LMCD1: variants seen among roughly 807,000 people sequenced by gnomAD.
The protein encoded by LMCD1 is LIM and cysteine-rich domains protein 1.
In LMCD1, 32 loss-of-function variants were observed where a neutral mutation model predicts 42.7. That is an observed-to-expected ratio of 0.75 (90% CI 0.57 to 1.01). The LOEUF (loss-of-function observed/expected upper bound fraction) is 1.01, where lower values mean the gene tolerates loss of function less well. Ranked by LOEUF, LMCD1 falls within the 50% of genes least tolerant of loss-of-function variation. LMCD1 has a pLI of 0.00. For synonymous variants in LMCD1, 178 were observed against 184.9 expected (o/e 0.96, Z 0.30); for missense variants, 458 against 483.1 (o/e 0.95, Z 0.49).
chr3:8,504,814 A>T (rs761425340), intron 1 of LMCD1, among the ~76,000 whole-genome samples: 1 of 152,236 alleles, frequency 6.6e-6, no homozygotes, highest in Non-Finnish European at 1.5e-5. Flanking sequence ...AGGGCCTTGA[A>T]GGCCAAATGC....
chr3:8,557,489 C>T (rs994112092), intron 4 of LMCD1, among the ~76,000 whole-genome samples: 4 of 152,160 alleles, frequency 2.6e-5, no homozygotes, highest in African/African-American at 9.7e-5. Context: ...AGGAAAACAA[C>T]ACAATTCAGA....
At chr3:8,524,413 T>C (rs1033990840) in intron 1 of LMCD1, among the ~76,000 whole-genome samples, 8 of 151,954 alleles carry the variant, frequency 5.3e-5, no homozygotes, top group African/African-American at 1.7e-4. Context: ...GTCAGTGAAA[T>C]TTAGAGGAAG....
chr3:8,559,271 T>C (rs532437036), intron 4 of LMCD1, among the ~76,000 whole-genome samples: 4 of 152,296 alleles, frequency 2.6e-5, no homozygotes, highest in South Asian at 2.1e-4. Context: ...CTTCAACATA[T>C]CTTTGTCATT....
chr3:8,561,953 T>C (rs1254033982), intron 4 of LMCD1, among the ~76,000 whole-genome samples: 1 of 152,102 alleles, frequency 6.6e-6, no homozygotes, highest in Non-Finnish European at 1.5e-5. Flanking sequence ...TCCCATTCTT[T>C]AGAGGATGAG....
intron 1 of LMCD1, among the ~76,000 whole-genome samples, chr3:8,529,128 T>C (rs575612293): frequency 1.7e-4 from 26 of 152,234 alleles, no homozygotes; most frequent in Non-Finnish European, 3.2e-4. Flanking sequence ...CTACTGTTTA[T>C]AAACCAGAGT....
At chr3:8,549,155 A>G (rs1353685233) in intron 4 of LMCD1, among the ~76,000 whole-genome samples, 1 of 152,188 alleles carries the variant, frequency 6.6e-6, no homozygotes, top group African/African-American at 2.4e-5. Flanking sequence ...TAGAGAAGGG[A>G]CATCTAAGCC....
Position 8,552,028 on chromosome 3 carries a change from CG to C in LMCD1, c.723+3126del, listed in dbSNP as rs1559355700. ...CGAACAGAGATTAACGGGAGAAAAA[CG>C]AAGGGCAAAAAGAGACATGAACATA... On this transcript the variant is annotated intron_variant, in intron 4 of 5. Transcript: ENST00000157600. Among the ~76,000 whole-genome samples, 3 of 152,160 alleles carry C rather than the reference CG, an allele frequency of 2.0e-5. No individual in the cohort carries two copies. In the South Asian group the frequency reaches 6.2e-4, roughly 32 times the overall value.
intron 4 of LMCD1, among the ~76,000 whole-genome samples, chr3:8,552,851 G>A (rs1232591806): frequency 6.6e-6 from 1 of 152,188 alleles, no homozygotes; most frequent in South Asian, 2.1e-4. Flanking sequence ...AGCCTTCCGA[G>A]TAGCTGGGAC....
intron 4 of LMCD1, among the ~76,000 whole-genome samples, chr3:8,561,359 GATA>G (rs889875076): frequency 3.4e-5 from 5 of 148,926 alleles, no homozygotes; most frequent in South Asian, 2.1e-4. Flanking sequence ...AAATTCAAAA[GATA>G]ATAATAATTG....
chr3:8,508,424 G>A (rs1693926585), intron 1 of LMCD1, among the ~76,000 whole-genome samples: 1 of 152,208 alleles, frequency 6.6e-6, no homozygotes, highest in Non-Finnish European at 1.5e-5. Flanking sequence ...GGACAAAGGA[G>A]TGCCAGTGTC....
intron 4 of LMCD1, among the ~76,000 whole-genome samples, chr3:8,553,402 T>C (rs528187674): frequency 6.6e-6 from 1 of 152,216 alleles, no homozygotes; most frequent in African/African-American, 2.4e-5. Context: ...AGAAGCGTTA[T>C]TGCAAAAATG....
At chr3:8,563,913 T>A (rs1052594560) in intron 4 of LMCD1, among the ~76,000 whole-genome samples, 1 of 152,128 alleles carries the variant, frequency 6.6e-6, no homozygotes. Context: ...ATCAGGCAAA[T>A]CCCAACTGAG....
In LMCD1 at chr3:8,567,437, C is replaced by T. The variant is rs372451565; in HGVS notation, c.940-3C>T. The T allele has an allele frequency of 1.2e-6, 2 of 1,613,470 alleles. No homozygotes were observed. ...CATGCATTTCTCCTGCTCCCCTCCC[C>T]AGATAATATTCGCTGAGGACTACCA... On this transcript the variant is annotated splice_region_variant and splice_polypyrimidine_tract_variant and intron_variant, in intron 5 of 5. Transcript: ENST00000157600.
Position 8,565,597 on chromosome 3 carries a change from G to T in LMCD1, c.889G>T (p.Gly297Cys), listed in dbSNP as rs561098521. The T allele has an allele frequency of 2.5e-6, 4 of 1,609,372 alleles. 1 individual carries two copies. Among genetic ancestry groups the T allele is most frequent in the South Asian group, 2.2e-5 (2 of 90,772 alleles). The change falls in exon 5 of 6, where the codon GGC (glycine) becomes TGC (cysteine). Residue 297 changes from glycine to cysteine, a missense_variant. Transcript: ENST00000157600. ...CTGGAAGGATGGTGCACCCTGGTGC[G>T]GCCGCCATTACTGCGAGAGTCTGCG... ...YFWKDGAPWC[G>C]RHYCESLRPR...
chr3:8,518,583 C>T (rs905969636), intron 1 of LMCD1, among the ~76,000 whole-genome samples: 16 of 152,182 alleles, frequency 1.1e-4, no homozygotes, highest in Non-Finnish European at 5.9e-5. Context: ...GATGTCAGGT[C>T]TGGGTGGCTG....
chr3:8,550,687 A>G (rs1475747234), intron 4 of LMCD1: 9 of 984,700 alleles, frequency 9.1e-6, no homozygotes, highest in Non-Finnish European at 1.1e-5. Context: ...GTAAAAAAGA[A>G]AAAAATATTA....
At chr3:8,547,327 C>T (rs563601551) in intron 3 of LMCD1, among the ~76,000 whole-genome samples, 1 of 152,272 alleles carries the variant, frequency 6.6e-6, no homozygotes, top group East Asian at 1.9e-4. Flanking sequence ...ATGGTACACA[C>T]GCACAGAAAA....
intron 1 of LMCD1, among the ~76,000 whole-genome samples, chr3:8,529,816 C>T (rs1027465943): frequency 2.6e-4 from 39 of 152,284 alleles, no homozygotes; most frequent in African/African-American, 8.7e-4. Flanking sequence ...TTCAGGGTCT[C>T]TCAAACTTTT....
chr3:8,550,908 C>T (rs1016896292), intron 4 of LMCD1: 8 of 985,214 alleles, frequency 8.1e-6, no homozygotes, highest in African/African-American at 1.7e-5. Flanking sequence ...GACTGAGCCT[C>T]GCATATTTGT....
Sources: gnomAD v4.1 joint callset for allele counts (sites outside exome capture counted in the v4.1 genomes callset) on GRCh38, gnomAD v4.1.1 for gene constraint, MANE v1.5 for transcripts, NCBI Gene and HGNC (gene_info 2026-07-23, HGNC 2026-07-21) for gene names.